SRD5A2: variants seen among roughly 807,000 people sequenced by gnomAD.
SRD5A2 encodes the protein steroid 5 alpha-reductase 2.
A neutral mutation model predicts 27.4 loss-of-function variants in SRD5A2; 30 were observed. The observed-to-expected ratio is 1.10, with a 90% CI of 0.82 to 1.49. The LOEUF (loss-of-function observed/expected upper bound fraction) is 1.49, where lower values mean the gene tolerates loss of function less well. SRD5A2 is among the 40% of genes most tolerant of loss of function. SRD5A2 has a pLI of 0.00. For missense variants in SRD5A2, 348 were observed against 323.4 expected, an observed-to-expected ratio of 1.08 and a Z score of -0.58; for synonymous variants, 141 against 133.6, an observed-to-expected ratio of 1.06 and a Z score of -0.38.
At chr2:31,581,742 A>T (rs1189107492), upstream of SRD5A2, among the ~76,000 whole-genome samples, 1 of 152,150 alleles carries the variant, frequency 6.6e-6, no homozygotes, top group African/African-American at 2.4e-5. Context: ...GACTCAGGCT[A>T]AAGTCTAGGG....
At chr2:31,578,187 T>G (rs1409996806) in intron 1 of SRD5A2, among the ~76,000 whole-genome samples, 1 of 152,134 alleles carries the variant, frequency 6.6e-6, no homozygotes, top group African/African-American at 2.4e-5. Flanking sequence ...TATGAGTATT[T>G]TCTACTTTTG....
At chr2:31,650,371 G>A in the SRD5A2 span, among the ~76,000 whole-genome samples, 366 of 152,218 alleles carry the variant, frequency 2.4e-3, no homozygotes, top group Non-Finnish European at 3.9e-3. Flanking sequence ...TCCTGGGATG[G>A]GTCACTAAAG....
At chr2:31,612,815 A>G in the SRD5A2 span, among the ~76,000 whole-genome samples, 1 of 152,204 alleles carries the variant, frequency 6.6e-6, no homozygotes, top group Non-Finnish European at 1.5e-5. Flanking sequence ...GAATTTAAAA[A>G]AGGCATTTTG....
chr2:31,528,476 A>G (rs913614159), intron 4 of SRD5A2, among the ~76,000 whole-genome samples: 7 of 152,186 alleles, frequency 4.6e-5, no homozygotes, highest in African/African-American at 1.7e-4. Flanking sequence ...GTGCCTCAGA[A>G]CATCTGTGGA....
chr2:31,527,598 A>C (rs1665810896), intron 4 of SRD5A2: 1 of 152,218 alleles, frequency 6.6e-6, no homozygotes, highest in Non-Finnish European at 1.5e-5. Flanking sequence ...AACCAAGCAC[A>C]GTAGAGTCCC....
At position 31,533,618 on chromosome 2, in the gene SRD5A2, T is replaced by C; in HGVS notation, c.430A>G (p.Ile144Val). 1.3e-6 allele frequency: 2 copies of C among 1,552,240 alleles called. No homozygotes were observed. The highest frequency in any genetic ancestry group is 1.4e-5 in the African/African-American group (1 of 73,202). The change falls in exon 2 of 5, where the codon ATA (isoleucine) becomes GTA (valine). Residue 144 changes from isoleucine (I) to valine (V), a missense_variant. Ile to Val is a conservative substitution (Grantham distance 29, BLOSUM62 3). Coordinates refer to ENST00000622030, the MANE Select transcript of SRD5A2 (RefSeq NM_000348.4). Reference protein sequence around the residue: ...AEYPDGWYTDIRFSLGVFLFI... With the variant: ...AEYPDGWYTDVRFSLGVFLFI... ...ATTCACTTACCCAAGCTAAACCGTA[T>C]GTCTGTGTACCACCCATCAGGGTAT...
At chr2:31,538,213 C>G (rs550287580) in intron 1 of SRD5A2, among the ~76,000 whole-genome samples, 10 of 152,266 alleles carry the variant, frequency 6.6e-5, no homozygotes, top group African/African-American at 2.4e-4. Context: ...CCCCATTCTT[C>G]CCCAGACTTG....
At chr2:31,566,547 G>C (rs1421997398) in intron 1 of SRD5A2, among the ~76,000 whole-genome samples, 3 of 152,152 alleles carry the variant, frequency 2.0e-5, no homozygotes, top group Non-Finnish European at 4.4e-5. Context: ...ATATTAAAAG[G>C]ATAATAGTTT....
At chr2:31,604,571 T>G in the SRD5A2 span, among the ~76,000 whole-genome samples, 87 of 151,826 alleles carry the variant, frequency 5.7e-4, 1 homozygote, top group Middle Eastern at 6.8e-3. Context: ...ATGCATAAAA[T>G]TAAACACTTA....
chr2:31,620,813 A>G, the SRD5A2 span, among the ~76,000 whole-genome samples: 1 of 148,650 alleles, frequency 6.7e-6, no homozygotes, highest in Non-Finnish European at 1.5e-5. Flanking sequence ...TATATATTTT[A>G]TATATATTTA....
intron 1 of SRD5A2, among the ~76,000 whole-genome samples, chr2:31,565,802 T>A (rs546673389): frequency 6.6e-6 from 1 of 152,034 alleles, no homozygotes; most frequent in South Asian, 2.1e-4. Flanking sequence ...GTAGAATAGG[T>A]AGAGAGAAAA....
At chr2:31,583,620 A>C (rs1335793758), upstream of SRD5A2, among the ~76,000 whole-genome samples, 13 of 112,274 alleles carry the variant, frequency 1.2e-4, no homozygotes, top group South Asian at 2.6e-4. Context: ...CCAGGAAAAA[A>C]AAAAAAAACA....
At chr2:31,561,891 T>A (rs1276357755) in intron 1 of SRD5A2, among the ~76,000 whole-genome samples, 1 of 152,156 alleles carries the variant, frequency 6.6e-6, no homozygotes, top group African/African-American at 2.4e-5. Context: ...GAATAACTAG[T>A]TTACCGTTTT....
chr2:31,657,746 G>T, the SRD5A2 span, among the ~76,000 whole-genome samples: 1 of 152,082 alleles, frequency 6.6e-6, no homozygotes, highest in African/African-American at 2.4e-5. Context: ...AACTCAAGTA[G>T]AGAAATAAAC....
intron 1 of SRD5A2, among the ~76,000 whole-genome samples, chr2:31,555,831 C>T (rs1666482799): frequency 6.6e-6 from 1 of 151,992 alleles, no homozygotes; most frequent in Non-Finnish European, 1.5e-5. Flanking sequence ...ATTAGCCAGG[C>T]GTAGTCATGC....
At chr2:31,630,156 C>T in the SRD5A2 span, among the ~76,000 whole-genome samples, 1 of 152,224 alleles carries the variant, frequency 6.6e-6, no homozygotes, top group Non-Finnish European at 1.5e-5. Context: ...GCTTACCCCT[C>T]TGCAATACAA....
chr2:31,536,768 C>A (rs1268021136), intron 1 of SRD5A2, among the ~76,000 whole-genome samples: 1 of 152,156 alleles, frequency 6.6e-6, no homozygotes, highest in Non-Finnish European at 1.5e-5. Flanking sequence ...AAGAGGCTGG[C>A]AATTGGTGCT....
rs1665717608 is a variant in SRD5A2, at chr2:31,524,031, T to G, written c.*2165A>C. 1 of 221,228 alleles carries G rather than the reference T, an allele frequency of 4.5e-6. No individual in the cohort carries two copies. Among genetic ancestry groups the G allele is most frequent in the South Asian group, 1.8e-4 (1 of 5,418 alleles). The allele number at this position is 221,228 out of a possible 1,614,324, so 13.7% of individuals were successfully genotyped here. A position where few individuals can be genotyped will look rare whatever the true frequency, so the allele number is the denominator to read the frequency against. On this transcript the variant is annotated 3_prime_UTR_variant, in exon 5 of 5. Transcript: ENST00000622030. ...GGGGTTGGACCTAATTAAGTCAAGG[T>G]TGGACTAAATACTATTTTAGAAAGC...
intron 1 of SRD5A2, among the ~76,000 whole-genome samples, chr2:31,535,453 C>T (rs1666005929): frequency 6.6e-6 from 1 of 152,178 alleles, no homozygotes; most frequent in Non-Finnish European, 1.5e-5. Context: ...GGAGGCTGCT[C>T]AAGTGTTCTC....
Sources: gnomAD v4.1 joint callset for allele counts (sites outside exome capture counted in the v4.1 genomes callset) on GRCh38, gnomAD v4.1.1 for gene constraint, MANE v1.5 for transcripts, NCBI Gene and HGNC (gene_info 2026-07-23, HGNC 2026-07-21) for gene names.